The following CAMK4 variants were observed in gnomAD, a reference collection of about 807,000 sequenced individuals.
CAMK4 encodes the protein calcium/calmodulin dependent protein kinase IV.
CAMK4 carries 22 observed loss-of-function variants against 44.9 expected under a neutral mutation model. That is an observed-to-expected ratio of 0.49 (90% CI 0.35 to 0.70). The LOEUF is 0.70. Ranked by LOEUF, CAMK4 falls within the 30% of genes least tolerant of loss-of-function variation. The probability of loss-of-function intolerance (pLI) is 0.01; values close to 1 mark genes in which losing one functional copy is unlikely to be tolerated. For synonymous variants in CAMK4, 218 were observed against 215.4 expected, an observed-to-expected ratio of 1.01 and a Z score of -0.11; for missense variants, 498 against 586.8, an observed-to-expected ratio of 0.85 and a Z score of 1.56.
chr5:111,366,174 T>G (rs1750786326), intron 2 of CAMK4, among the ~76,000 whole-genome samples: 1 of 152,154 alleles, frequency 6.6e-6, no homozygotes, highest in Admixed American at 6.6e-5. Context: ...AATTATGTAC[T>G]TAGCATAATA....
intron 1 of CAMK4, among the ~76,000 whole-genome samples, chr5:111,291,685 T>A (rs956165394): frequency 3.9e-5 from 6 of 151,926 alleles, no homozygotes; most frequent in African/African-American, 1.5e-4. Context: ...TAATTTTTAA[T>A]TTTTTTTGTG....
chr5:111,323,014 C>G (rs79904063), intron 1 of CAMK4, among the ~76,000 whole-genome samples: 4,837 of 152,016 alleles, frequency 0.032, 109 homozygotes, highest in Non-Finnish European at 0.048. Context: ...GGGAAAATAT[C>G]AAGAAGGCTA....
chr5:111,456,422 CG>C (rs1329824681), intron 7 of CAMK4, among the ~76,000 whole-genome samples: 2 of 151,850 alleles, frequency 1.3e-5, no homozygotes, highest in African/African-American at 2.4e-5. Context: ...ACCCAGGAGG[CG>C]GGGCTTGCAG....
chr5:111,442,971 GT>G (rs1753880107), intron 5 of CAMK4, among the ~76,000 whole-genome samples: 1 of 149,554 alleles, frequency 6.7e-6, no homozygotes, highest in Non-Finnish European at 1.5e-5. Flanking sequence ...ACTCTTTGGG[GT>G]TTCCAACATT....
intron 1 of CAMK4, among the ~76,000 whole-genome samples, chr5:111,243,198 C>A (rs537220987): frequency 6.6e-6 from 1 of 152,306 alleles, no homozygotes; most frequent in South Asian, 2.1e-4. Flanking sequence ...ACTCCAAAGA[C>A]AGCAAGGGCA....
chr5:111,466,131 A>C (rs1012484624), intron 7 of CAMK4, among the ~76,000 whole-genome samples: 1 of 152,168 alleles, frequency 6.6e-6, no homozygotes, highest in East Asian at 1.9e-4. Flanking sequence ...CAGGAAAAGC[A>C]TCTGACAAAA....
intron 1 of CAMK4, among the ~76,000 whole-genome samples, chr5:111,257,758 A>G (rs1318469910): frequency 6.6e-6 from 1 of 152,244 alleles, no homozygotes; most frequent in Non-Finnish European, 1.5e-5. Flanking sequence ...GATGCCCATC[A>G]GTGATAGACT....
intron 1 of CAMK4, among the ~76,000 whole-genome samples, chr5:111,325,944 T>C (rs577792347): frequency 6.6e-6 from 1 of 152,060 alleles, no homozygotes; most frequent in African/African-American, 2.4e-5. Context: ...ATATCAAAAT[T>C]TGTGGGATAC....
chr5:111,376,873 A>G lies in CAMK4; in HGVS notation c.317A>G (p.Glu106Gly). ...LSHPNIIKLK[E>G]IFETPTEISL... is the part of the protein sequence containing the mutation. ...ATCTTTCCCTAGATAAAACTTAAAGAGATATTTGAAACCCCTACAGAAATC... is the reference window on the plus strand; with the variant it reads ...ATCTTTCCCTAGATAAAACTTAAAGGGATATTTGAAACCCCTACAGAAATC... Residue 106 changes from glutamate to glycine, a missense_variant, in exon 4 of 11, where the codon GAG becomes GGG. Physicochemically the swap from Glu to Gly is moderately conservative, Grantham distance 98. Around this residue, in one of 3 missense-constraint regions of CAMK4, gnomAD observed 152 missense variants for 143.7 expected, o/e 1.06. Coordinates refer to ENST00000282356, the MANE Select transcript of CAMK4 (RefSeq NM_001744.6). The G allele has an allele frequency of 6.3e-7, 1 of 1,589,732 alleles. No individual in the cohort carries two copies. Among genetic ancestry groups the G allele is most frequent in the Non-Finnish European group, 8.6e-7 (1 of 1,161,458 alleles).
chr5:111,260,568 C>A (rs996733653), intron 1 of CAMK4, among the ~76,000 whole-genome samples: 1 of 152,150 alleles, frequency 6.6e-6, no homozygotes, highest in Admixed American at 6.5e-5. Context: ...CAGTCCCTAG[C>A]TTTCTTCTGA....
chr5:111,352,647 G>GAA (rs1750161072), intron 2 of CAMK4, among the ~76,000 whole-genome samples: 2 of 146,280 alleles, frequency 1.4e-5, no homozygotes, highest in Non-Finnish European at 3.0e-5. Context: ...CAGAGAGAGA[G>GAA]AGAGAGAGAG....
At chr5:111,458,638 TTATAA>T (rs1447341243) in intron 7 of CAMK4, among the ~76,000 whole-genome samples, 1 of 152,024 alleles carries the variant, frequency 6.6e-6, no homozygotes. Context: ...CCCATAGAAA[TTATAA>T]TATAAAGTTG....
At chr5:111,439,194 C>G (rs907120972) in intron 5 of CAMK4, among the ~76,000 whole-genome samples, 14 of 152,284 alleles carry the variant, frequency 9.2e-5, no homozygotes, top group Admixed American at 9.2e-4. Context: ...ATGCTGGAAA[C>G]TTTGGAAAGA....
intron 1 of CAMK4, among the ~76,000 whole-genome samples, chr5:111,323,722 C>T (rs1483041256): frequency 6.6e-6 from 1 of 152,132 alleles, no homozygotes; most frequent in Non-Finnish European, 1.5e-5. Context: ...CTGAAAGAAT[C>T]TATTGTCAGC....
chr5:111,292,433 GTA>G (rs1415065072), intron 1 of CAMK4, among the ~76,000 whole-genome samples: 1 of 152,108 alleles, frequency 6.6e-6, no homozygotes, highest in Non-Finnish European at 1.5e-5. Context: ...ATATATATGT[GTA>G]TATATATGTA....
At chr5:111,258,205 G>A (rs183707387) in intron 1 of CAMK4, among the ~76,000 whole-genome samples, 71 of 152,214 alleles carry the variant, frequency 4.7e-4, no homozygotes, top group Non-Finnish European at 7.4e-5. Context: ...CATTCCAATA[G>A]TACCTAGTCT....
chr5:111,286,738 T>C (rs534034958), intron 1 of CAMK4, among the ~76,000 whole-genome samples: 2 of 152,236 alleles, frequency 1.3e-5, no homozygotes, highest in South Asian at 4.1e-4. Flanking sequence ...TTTCCAATAG[T>C]GAAGTTCCAA....
rs906144758 is a variant in CAMK4, at chr5:111,224,506, C to T, written c.23C>T (p.Ser8Phe). Residue 8 changes from serine (S) to phenylalanine (F), a missense_variant, in exon 1 of 11, where the codon TCC becomes TTC. Physicochemically the swap from Ser to Phe is radical, Grantham distance 155. Transcript: ENST00000282356. This position sits in a 1 kb window ranked among gnomAD's most constrained non-coding sequence, Gnocchi z 5.7. MLKVTVP[S>F]CSASSCSSVT... ...AAGATGCTCAAAGTCACGGTGCCCT[C>T]CTGCTCCGCCTCGTCCTGCTCTTCG... is the stretch of plus-strand genomic sequence containing the variant. 6.2e-7 allele frequency: 1 copy of T among 1,609,908 alleles called. No homozygotes were observed. Among genetic ancestry groups the T allele is most frequent in the African/African-American group, 1.3e-5 (1 of 74,736 alleles).
chr5:111,333,075 C>G (rs1749240181), intron 1 of CAMK4, among the ~76,000 whole-genome samples: 1 of 151,244 alleles, frequency 6.6e-6, no homozygotes, highest in South Asian at 2.1e-4. Context: ...TCTATAAAAT[C>G]TAAATAGTAT....
Sources: allele counts gnomAD v4.1 joint callset (sites outside exome capture counted in the v4.1 genomes callset), GRCh38; gene constraint gnomAD v4.1.1; regional missense constraint gnomAD v4.1.1; non-coding constraint Gnocchi (gnomAD v3.1); transcripts MANE v1.5; gene names NCBI Gene and HGNC (gene_info 2026-07-23, HGNC 2026-07-21).